RELCH: variants seen among roughly 807,000 people sequenced by gnomAD.
RELCH encodes the protein RAB11 binding and LisH domain, coiled-coil and HEAT repeat containing.
Under a neutral mutation model 150.3 loss-of-function variants are expected in RELCH, and 41 were observed. That is an observed-to-expected ratio of 0.27 (90% CI 0.21 to 0.35). The LOEUF is 0.35. RELCH is among the 10% of genes least tolerant of loss of function. The probability of loss-of-function intolerance (pLI) is 1.00; values close to 1 mark genes in which losing one functional copy is unlikely to be tolerated. For missense variants in RELCH, 1,092 were observed against 1,467.8 expected (o/e 0.74, Z 4.18); for synonymous variants, 478 against 531.8 (o/e 0.90, Z 1.39).
chr18:62,292,603 A>G (rs2045209484), intron 27 of RELCH, among the ~76,000 whole-genome samples: 1 of 152,160 alleles, frequency 6.6e-6, no homozygotes. Context: ...TTCCACCTGC[A>G]TGTCCTACAG....
intron 10 of RELCH, among the ~76,000 whole-genome samples, chr18:62,236,288 C>T (rs1427751712): frequency 6.6e-6 from 1 of 151,954 alleles, no homozygotes; most frequent in Non-Finnish European, 1.5e-5. Flanking sequence ...TTAAACCACC[C>T]TTGCATTCAT....
At chr18:62,252,192 G>T (rs2042747535) in intron 11 of RELCH, among the ~76,000 whole-genome samples, 1 of 150,036 alleles carries the variant, frequency 6.7e-6, no homozygotes, top group Non-Finnish European at 1.5e-5. Context: ...GTAGAGACGG[G>T]GTTTCACCAT....
intron 1 of RELCH, among the ~76,000 whole-genome samples, chr18:62,208,611 C>A (rs1471165433): frequency 1.3e-5 from 2 of 152,050 alleles, no homozygotes; most frequent in Non-Finnish European, 2.9e-5. Flanking sequence ...CACTCAGGTA[C>A]TAAGCCTAGT....
At chr18:62,203,275 G>T (rs1283497502) in intron 1 of RELCH, among the ~76,000 whole-genome samples, 1 of 152,090 alleles carries the variant, frequency 6.6e-6, no homozygotes, top group African/African-American at 2.4e-5. Context: ...GGCCAACATG[G>T]TGAAACCCCA....
chr18:62,309,513 T>C lies in RELCH; in HGVS notation c.*3979T>C, dbSNP rs1425664937. On this transcript the variant is annotated 3_prime_UTR_variant, in exon 29 of 29. Transcript: ENST00000644646. Reference sequence around the variant, plus strand: ...GTTTAAGAAAAATCTTAAAACATCCTATTCTCTGTTAAGACCACACCAATC... The same window carrying C: ...GTTTAAGAAAAATCTTAAAACATCCCATTCTCTGTTAAGACCACACCAATC... The C allele has an allele frequency of 1.3e-5, 2 of 152,200 alleles. No homozygotes were observed. The highest frequency in any genetic ancestry group is 2.9e-5 in the Non-Finnish European group (2 of 68,030). The allele number at this position is 152,200 out of a possible 1,614,324, so 9.4% of individuals were successfully genotyped here. A position where few individuals can be genotyped will look rare whatever the true frequency, so the allele number is the denominator to read the frequency against.
intron 8 of RELCH, among the ~76,000 whole-genome samples, chr18:62,229,761 A>T (rs2041454133): frequency 6.6e-6 from 1 of 152,118 alleles, no homozygotes; most frequent in African/African-American, 2.4e-5. Context: ...TTAACAAGCA[A>T]AGAGGTAAAA....
At chr18:62,273,794 A>G (rs1240370349) in intron 20 of RELCH, among the ~76,000 whole-genome samples, 186 bp from the exon 21 acceptor site, 2 of 152,218 alleles carry the variant, frequency 1.3e-5, no homozygotes, top group Non-Finnish European at 2.9e-5. Context: ...TAAAGTATCA[A>G]GATAGTCTGT....
chr18:62,298,576 A>G (rs2045525840), intron 27 of RELCH, among the ~76,000 whole-genome samples: 1 of 152,194 alleles, frequency 6.6e-6, no homozygotes, highest in Non-Finnish European at 1.5e-5. Context: ...GTGAAAATCA[A>G]AATAAATTAT....
Position 62,308,742 on chromosome 18 carries a change from G to A in RELCH, c.*3208G>A, listed in dbSNP as rs956734004. On this transcript the variant is annotated 3_prime_UTR_variant, in exon 29 of 29. Transcript: ENST00000644646. ...AAAAACAAAAAAAAAAGCTTTGTAA[G>A]TAGCAATTCTAATTCATAATTCATG... 4.6e-5 allele frequency: 7 copies of A among 151,950 alleles called. No homozygotes were observed. Among genetic ancestry groups the A allele is most frequent in the Non-Finnish European group, 1.0e-4 (7 of 67,960 alleles). 9.4% of individuals were successfully genotyped at this position (151,950 alleles called of 1,614,324 possible).
At chr18:62,283,898 G>T (rs1042557898) in intron 25 of RELCH, among the ~76,000 whole-genome samples, 7 of 152,110 alleles carry the variant, frequency 4.6e-5, no homozygotes, top group African/African-American at 1.7e-4. Flanking sequence ...AGTTAAATGG[G>T]TATTTGATAT....
chr18:62,235,885 T>C (rs576103261), intron 10 of RELCH, among the ~76,000 whole-genome samples: 168 of 152,176 alleles, frequency 1.1e-3, no homozygotes, highest in African/African-American at 3.9e-3. Flanking sequence ...TATAGAATCA[T>C]GTCATCTGCA....
Position 62,193,202 on chromosome 18 carries a change from T to A in RELCH, c.526+5171T>A, listed in dbSNP as rs146296938. 1.7e-3 allele frequency among the ~76,000 whole-genome samples: 256 copies of A among 152,324 alleles called. 1 individual carries two copies. Among genetic ancestry groups the A allele is most frequent in the African/African-American group, 5.9e-3 (247 of 41,574 alleles). ...TGTTGGTGTGTAGGAATCCCTGTGA[T>A]ATTTGCACATTAATTTTGTATCCTG... On this transcript the variant is annotated intron_variant, in intron 1 of 28. Coordinates refer to ENST00000644646, the MANE Select transcript of RELCH (RefSeq NM_001346231.2).
intron 25 of RELCH, among the ~76,000 whole-genome samples, chr18:62,286,992 C>T (rs993497998): frequency 3.9e-5 from 6 of 152,118 alleles, no homozygotes; most frequent in Admixed American, 6.5e-5. Flanking sequence ...TATGGAGAAA[C>T]TTAACTGCAA....
chr18:62,245,552 A>C (rs1052726902), intron 11 of RELCH, among the ~76,000 whole-genome samples: 1 of 152,046 alleles, frequency 6.6e-6, no homozygotes, highest in Admixed American at 6.6e-5. Context: ...CTTGAACCCA[A>C]GAGGCAGAGG....
At position 62,187,366 on chromosome 18, in the gene RELCH, C is replaced by T; in HGVS notation, c.-140C>T. ...TCCGGATCTCCTGCCTTGGAGCGTA[C>T]TCCTTGTCTCTAAGTCGGGAGGCAG... On this transcript the variant is annotated 5_prime_UTR_variant, in exon 1 of 29. Transcript: ENST00000644646. 2.8e-6 allele frequency: 2 copies of T among 720,766 alleles called. No individual in the cohort carries two copies. The highest frequency in any genetic ancestry group is 2.1e-6 in the Non-Finnish European group (1 of 468,484). The allele number at this position is 720,766 out of a possible 1,614,324, so 44.6% of individuals were successfully genotyped here.
intron 1 of RELCH, among the ~76,000 whole-genome samples, chr18:62,194,306 G>C (rs1216904210): frequency 6.6e-6 from 1 of 152,144 alleles, no homozygotes; most frequent in African/African-American, 2.4e-5. Context: ...ATCAAATCCA[G>C]TTGACTGTTT....
chr18:62,274,949 G>A (rs1267537405), intron 21 of RELCH, among the ~76,000 whole-genome samples: 1 of 152,132 alleles, frequency 6.6e-6, no homozygotes, highest in African/African-American at 2.4e-5. Context: ...ACGGAGTCTC[G>A]CTCTGTCACC....
At position 62,187,998 on chromosome 18, in the gene RELCH, G is replaced by A; in HGVS notation, c.493G>A (p.Glu165Lys). 6.3e-7 allele frequency: 1 copy of A among 1,595,830 alleles called. No individual in the cohort carries two copies. The highest frequency in any genetic ancestry group is 1.7e-5 in the Admixed American group (1 of 58,006). The change falls in exon 1 of 29, where the codon GAA becomes AAA. Residue 165 changes from glutamate to lysine, a missense_variant. This residue lies in a region of RELCH where 190 missense variants were observed against 276.2 expected (regional missense o/e 0.69). Transcript: ENST00000644646. ...CGGCGTTGGGGGCGCTGGAGGTCGG[G>A]AACCGAGTACAGCGTCGGGCGGGGG... is the stretch of plus-strand genomic sequence containing the variant. ...AAGVGGAGGR[E>K]PSTASGGGQL... is the part of the protein sequence containing the mutation.
chr18:62,218,074 G>A (rs749495364), intron 2 of RELCH, among the ~76,000 whole-genome samples: 2 of 151,824 alleles, frequency 1.3e-5, no homozygotes, highest in African/African-American at 4.8e-5. Flanking sequence ...TTTTAGGGAC[G>A]GGTTTTTATT....
Sources: allele counts gnomAD v4.1 joint callset (sites outside exome capture counted in the v4.1 genomes callset), GRCh38; gene constraint gnomAD v4.1.1; regional missense constraint gnomAD v4.1.1; transcripts MANE v1.5; gene names NCBI Gene and HGNC (gene_info 2026-07-23, HGNC 2026-07-21).